Variants in SNTG1 observed in about 807,000 individuals in gnomAD.
The protein encoded by SNTG1 is gamma-1-syntrophin.
Under a neutral mutation model 74.7 loss-of-function variants are expected in SNTG1, and 39 were observed. That is an observed-to-expected ratio of 0.52 (90% CI 0.40 to 0.68). The LOEUF is 0.68. Among genes scored for constraint, SNTG1 ranks in the 30% least tolerant of loss-of-function variants. The pLI, the probability that SNTG1 is intolerant of heterozygous loss-of-function variation, is 0.00. For synonymous variants in SNTG1, 254 were observed against 217.1 expected, an observed-to-expected ratio of 1.17 and a Z score of -1.49; for missense variants, 685 against 609.5, an observed-to-expected ratio of 1.12 and a Z score of -1.30.
intron 17 of SNTG1, among the ~76,000 whole-genome samples, chr8:50,736,492 C>T (rs2392761): frequency 0.37 from 56,259 of 151,648 alleles, 12,025 homozygotes; most frequent in African/African-American, 0.59. Flanking sequence ...ATTTTCACAC[C>T]CCACTGTCAA....
chr8:50,402,126 G>T, intron 3 of SNTG1, 84 bp from the exon 4 acceptor site: 1 of 1,366,136 alleles, frequency 7.3e-7, no homozygotes, highest in Non-Finnish European at 9.9e-7. Context: ...TATTCACCAT[G>T]TTTTGCTGTA....
rs1033388284 is a variant in SNTG1, at chr8:50,093,443, C to A, written c.-102-79118C>A. Among the ~76,000 whole-genome samples the A allele has an allele frequency of 2.0e-5, 3 of 152,040 alleles. No individual in the cohort carries two copies. In the East Asian group the frequency reaches 5.8e-4, roughly 29 times the overall value. ...TTTTTTATATCAAGGTGCAAAAGGGCTGGCATACTCACCAGTAATTAGCAC... is the reference window on the plus strand; with the variant it reads ...TTTTTTATATCAAGGTGCAAAAGGGATGGCATACTCACCAGTAATTAGCAC... On this transcript the variant is annotated intron_variant, in intron 1 of 18. Coordinates refer to ENST00000642720, the MANE Select transcript of SNTG1 (RefSeq NM_018967.5).
intron 2 of SNTG1, among the ~76,000 whole-genome samples, chr8:50,193,445 T>C (rs1293714036): frequency 6.6e-6 from 1 of 152,024 alleles, no homozygotes; most frequent in East Asian, 1.9e-4. Context: ...GTAAAAAGGG[T>C]TGAGTTCTTG....
chr8:50,402,494 C>T (rs962032632), intron 4 of SNTG1, 150 bp downstream of exon 4: 7 of 933,000 alleles, frequency 7.5e-6, no homozygotes, highest in South Asian at 1.8e-5. Context: ...AAGTAATCAG[C>T]GGCCCTGTAC....
chr8:50,144,712 G>A (rs1457604112), intron 1 of SNTG1, among the ~76,000 whole-genome samples: 1 of 152,132 alleles, frequency 6.6e-6, no homozygotes, highest in African/African-American at 2.4e-5. Context: ...GCGACTGAGT[G>A]GGCAGGAGGA....
intron 13 of SNTG1, among the ~76,000 whole-genome samples, chr8:50,628,074 C>A (rs2131089188): frequency 6.6e-6 from 1 of 152,300 alleles, no homozygotes; most frequent in Admixed American, 6.5e-5. Flanking sequence ...TACCAGCCAC[C>A]AGTCATCTCA....
intron 2 of SNTG1, among the ~76,000 whole-genome samples, chr8:50,390,817 A>T (rs931909111): frequency 6.6e-6 from 1 of 152,164 alleles, no homozygotes. Context: ...TAGGTATTTT[A>T]TTCTCTTTGA....
intron 11 of SNTG1, among the ~76,000 whole-genome samples, chr8:50,538,411 A>T (rs2094322695): frequency 6.6e-6 from 1 of 152,012 alleles, no homozygotes; most frequent in African/African-American, 2.4e-5. Flanking sequence ...TTTTTTAGAC[A>T]TTCTTTAAAG....
chr8:50,388,470 C>T lies in SNTG1; in HGVS notation c.-27-5742C>T, dbSNP rs1337416510. The stretch of plus-strand genomic sequence containing the variant: ...TCTAATTAGATTACAGAATCAATTC[C>T]TGAAACCCCAAAACCAAGTCAAAAA... On this transcript the variant is annotated intron_variant, in intron 2 of 18. Coordinates refer to ENST00000642720, the MANE Select transcript of SNTG1 (RefSeq NM_018967.5). 2.6e-5 allele frequency among the ~76,000 whole-genome samples: 4 copies of T among 152,266 alleles called. No homozygotes were observed. In the East Asian group the frequency reaches 7.7e-4, roughly 29 times the overall value.
chr8:50,167,477 G>A lies in SNTG1; in HGVS notation c.-102-5084G>A, dbSNP rs192129634. Among the ~76,000 whole-genome samples, 40 of 151,536 alleles carry A rather than the reference G, an allele frequency of 2.6e-4. 1 individual carries two copies. The East Asian group carries it at 4.1e-3, about 15-fold the overall frequency. On this transcript the variant is annotated intron_variant, in intron 1 of 18. Coordinates refer to ENST00000642720, the MANE Select transcript of SNTG1 (RefSeq NM_018967.5). The stretch of plus-strand genomic sequence containing the variant: ...CAAATCACATTGACCTCTCTGGACC[G>A]TGATTATATGTAATGGTCCTGATAA...
At chr8:50,788,662 T>C (rs1291615964) in intron 18 of SNTG1, among the ~76,000 whole-genome samples, 1 of 151,962 alleles carries the variant, frequency 6.6e-6, no homozygotes, top group Non-Finnish European at 1.5e-5. Flanking sequence ...AAATTCCAGA[T>C]TTTATGCCTA....
At chr8:50,242,871 A>G (rs145470581) in intron 2 of SNTG1, among the ~76,000 whole-genome samples, 12 of 151,806 alleles carry the variant, frequency 7.9e-5, no homozygotes, top group African/African-American at 2.4e-4. Context: ...TTATTTATTT[A>G]TGTGCTTATA....
intron 15 of SNTG1, among the ~76,000 whole-genome samples, chr8:50,673,153 T>G (rs974411699): frequency 6.6e-6 from 1 of 152,134 alleles, no homozygotes; most frequent in Non-Finnish European, 1.5e-5. Flanking sequence ...TTGTCTTGGC[T>G]ATAGAGGGTC....
chr8:50,656,324 G>C (rs1277618975), intron 13 of SNTG1, among the ~76,000 whole-genome samples: 1 of 152,130 alleles, frequency 6.6e-6, no homozygotes, highest in African/African-American at 2.4e-5. Context: ...AGCACTAGAG[G>C]CTAAAGAGTT....
intron 2 of SNTG1, among the ~76,000 whole-genome samples, chr8:50,229,661 T>A (rs1189197213): frequency 6.6e-6 from 1 of 151,198 alleles, no homozygotes; most frequent in Non-Finnish European, 1.5e-5. Context: ...ATCACCCTTT[T>A]TTTTAAGTAA....
chr8:50,568,168 G>GTCAGGATGT (rs2094526480), intron 12 of SNTG1, among the ~76,000 whole-genome samples: 1 of 151,036 alleles, frequency 6.6e-6, no homozygotes, highest in South Asian at 2.1e-4. Flanking sequence ...CATCCATGTT[G>GTCAGGATGT]CAGCAAATGT....
At chr8:50,526,617 G>T (rs554315176) in intron 9 of SNTG1, among the ~76,000 whole-genome samples, 42 of 146,558 alleles carry the variant, frequency 2.9e-4, no homozygotes, top group Middle Eastern at 3.5e-3. Context: ...GTGTGTGTGT[G>T]TGTGTATACA....
At chr8:50,119,872 T>C (rs1001058442) in intron 1 of SNTG1, among the ~76,000 whole-genome samples, 2 of 142,174 alleles carry the variant, frequency 1.4e-5, no homozygotes, top group African/African-American at 5.1e-5. Context: ...TACAGGAAAG[T>C]GCAATACTCA....
chr8:50,326,635 T>C (rs2090761477), intron 2 of SNTG1, among the ~76,000 whole-genome samples: 1 of 151,872 alleles, frequency 6.6e-6, no homozygotes, highest in Non-Finnish European at 1.5e-5. Context: ...TATTGATCTT[T>C]TCCAAGAATC....
Sources: gnomAD v4.1 joint callset for allele counts (sites outside exome capture counted in the v4.1 genomes callset) on GRCh38, gnomAD v4.1.1 for gene constraint, MANE v1.5 for transcripts, NCBI Gene and HGNC (gene_info 2026-07-23, HGNC 2026-07-21) for gene names.